The following DAG1 variants were observed in gnomAD, a reference collection of about 807,000 sequenced individuals.
The protein encoded by DAG1 is dystroglycan 1.
Under a neutral mutation model 46.1 loss-of-function variants are expected in DAG1, and 8 were observed. The observed-to-expected ratio is 0.17, with a 90% confidence interval of 0.10 to 0.31. The LOEUF (loss-of-function observed/expected upper bound fraction) is 0.31, where lower values mean the gene tolerates loss of function less well. Ranked by LOEUF, DAG1 falls within the 10% of genes least tolerant of loss-of-function variation. The pLI is 1.00. For synonymous variants in DAG1, 495 were observed against 481.8 expected, an observed-to-expected ratio of 1.03 and a Z score of -0.36; for missense variants, 1,003 against 1,189.9, an observed-to-expected ratio of 0.84 and a Z score of 2.31.
At chr3:49,507,916 G>C (rs1375977665) in intron 1 of DAG1, among the ~76,000 whole-genome samples, 1 of 151,876 alleles carries the variant, frequency 6.6e-6, no homozygotes, top group Non-Finnish European at 1.5e-5. Context: ...AGAGGAATCT[G>C]TTCGTTTAGT....
At chr3:49,527,157 C>T (rs2051194717) in intron 2 of DAG1, among the ~76,000 whole-genome samples, 1 of 150,602 alleles carries the variant, frequency 6.6e-6, no homozygotes, top group South Asian at 2.1e-4. Flanking sequence ...TTTGGGAGGC[C>T]GAGGTGGGCA....
chr3:49,501,126 C>T (rs1039536783), intron 1 of DAG1, among the ~76,000 whole-genome samples: 1 of 152,198 alleles, frequency 6.6e-6, no homozygotes, highest in Non-Finnish European at 1.5e-5. Flanking sequence ...CATCGCCTGC[C>T]TGCTAAATGC....
chr3:49,499,303 G>A (rs1023448188), intron 1 of DAG1, among the ~76,000 whole-genome samples: 4 of 152,176 alleles, frequency 2.6e-5, no homozygotes, highest in Non-Finnish European at 4.4e-5. Flanking sequence ...GGGAGGCCGA[G>A]GCAGGAGGAT....
chr3:49,531,735 T>C lies in DAG1; in HGVS notation c.1224T>C (p.Pro408=), dbSNP rs1471279506. The C allele has an allele frequency of 1.2e-6, 2 of 1,613,998 alleles. No homozygotes were observed. The highest frequency in any genetic ancestry group is 8.5e-7 in the Non-Finnish European group (1 of 1,179,990). The change falls in exon 3 of 3, where the codon CCT becomes CCC. Residue 408 remains proline, a synonymous_variant. Coordinates refer to ENST00000308775, the MANE Select transcript of DAG1 (RefSeq NM_004393.6). This position sits in a 1 kb window ranked among gnomAD's most constrained non-coding sequence, Gnocchi z 7.0. Reference sequence around the variant, plus strand: ...AGATTCGCCCAACGATGACCATTCCTGGCTATGTGGAGCCTACTGCAGTTG... The same window carrying C: ...AGATTCGCCCAACGATGACCATTCCCGGCTATGTGGAGCCTACTGCAGTTG... ...PGQIRPTMTI[P]GYVEPTAVAT...
intron 2 of DAG1, among the ~76,000 whole-genome samples, chr3:49,522,548 T>G (rs2051061444): frequency 7.0e-6 from 1 of 142,950 alleles, no homozygotes; most frequent in South Asian, 2.3e-4. Flanking sequence ...CAAGTGATCC[T>G]CCCGCCTCAG....
chr3:49,505,585 T>A (rs1390356570), intron 1 of DAG1, among the ~76,000 whole-genome samples: 1 of 152,208 alleles, frequency 6.6e-6, no homozygotes, highest in South Asian at 2.1e-4. Context: ...TAAGGAGTTT[T>A]CTTATGGATT....
At chr3:49,471,559 GGAA>G (rs1463361063) in intron 1 of DAG1, among the ~76,000 whole-genome samples, 4 of 152,154 alleles carry the variant, frequency 2.6e-5, no homozygotes, top group Admixed American at 6.6e-5. Flanking sequence ...TGTGAACTAA[GGAA>G]GAAGAGCTCA....
chr3:49,508,680 G>A (rs368064968), intron 1 of DAG1, among the ~76,000 whole-genome samples: 3 of 151,854 alleles, frequency 2.0e-5, no homozygotes, highest in South Asian at 2.1e-4. Flanking sequence ...GGTTACAGGC[G>A]TGAGCCACCA....
intron 1 of DAG1, among the ~76,000 whole-genome samples, chr3:49,481,612 C>T (rs1009840505): frequency 6.6e-6 from 1 of 152,044 alleles, no homozygotes; most frequent in African/African-American, 2.4e-5. Flanking sequence ...TGAGGAGCCA[C>T]AGATTCATTC....
rs565342779 is a variant in DAG1 at position 49,509,002 on chromosome 3, TC to T, written c.-116-1414del. Among the ~76,000 whole-genome samples the T allele has an allele frequency of 5.7e-4, 87 of 152,278 alleles. 1 individual carries two copies. Among genetic ancestry groups the T allele is most frequent in the African/African-American group, 2.0e-3 (82 of 41,562 alleles). On this transcript the variant is annotated intron_variant, in intron 1 of 2. Transcript: ENST00000308775. Reference sequence around the variant, plus strand: ...TACAATTCATAAGATTGAGGATGATTCCCTATAGAGTCTTACTACCATCATA... The same window carrying T: ...TACAATTCATAAGATTGAGGATGATTCCTATAGAGTCTTACTACCATCATA...
chr3:49,503,393 T>C (rs1237184532), intron 1 of DAG1, among the ~76,000 whole-genome samples: 1 of 152,238 alleles, frequency 6.6e-6, no homozygotes, highest in Non-Finnish European at 1.5e-5. Context: ...GTTGGTTCGT[T>C]CTTCCTATCT....
intron 1 of DAG1, among the ~76,000 whole-genome samples, chr3:49,495,199 G>A (rs1030191482): frequency 8.5e-5 from 13 of 152,184 alleles, no homozygotes; most frequent in African/African-American, 2.7e-4. Flanking sequence ...GAGGGGATGG[G>A]ATAGCCAGGG....
At chr3:49,529,338 C>T (rs1282593233) in intron 2 of DAG1, among the ~76,000 whole-genome samples, 2 of 152,170 alleles carry the variant, frequency 1.3e-5, no homozygotes, top group Non-Finnish European at 2.9e-5. Flanking sequence ...GCCCAGCTTT[C>T]TCATACATTT....
In DAG1 at chr3:49,486,190, A is replaced by C. The variant is rs1057432877; in HGVS notation, c.-117+15757A>C. 9.3e-5 allele frequency among the ~76,000 whole-genome samples: 7 copies of C among 74,930 alleles called. No homozygotes were observed. In the East Asian group the frequency reaches 1.5e-3, roughly 16 times the overall value. 49.2% of individuals were successfully genotyped at this position (74,930 alleles called of 152,430 possible). On this transcript the variant is annotated intron_variant, in intron 1 of 2. Transcript: ENST00000308775. Reference sequence around the variant, plus strand: ...TATACCACTATTTTCTTTTTCTTTTATTTATTTATTTATTTATTTATTTAT... The same window carrying C: ...TATACCACTATTTTCTTTTTCTTTTCTTTATTTATTTATTTATTTATTTAT...
chr3:49,527,721 G>T (rs1201518871), intron 2 of DAG1, among the ~76,000 whole-genome samples: 1 of 151,966 alleles, frequency 6.6e-6, no homozygotes, highest in African/African-American at 2.4e-5. Context: ...AAGTGCCCTT[G>T]TATAGTTGAA....
chr3:49,520,295 C>A (rs1233881078), intron 2 of DAG1, among the ~76,000 whole-genome samples: 1 of 152,188 alleles, frequency 6.6e-6, no homozygotes, highest in Admixed American at 6.5e-5. Context: ...ACAGGATAAC[C>A]CTGAGTGTGA....
chr3:49,490,493 C>T lies in DAG1; in HGVS notation c.-116-19926C>T, dbSNP rs375933511. 5.3e-4 allele frequency among the ~76,000 whole-genome samples: 81 copies of T among 151,596 alleles called. No individual in the cohort carries two copies. The East Asian group carries it at 0.014, about 26-fold the overall frequency. Reference sequence around the variant, plus strand: ...TGTGTTTGCTCTGTCATTCTCTTTTCTATCTATACCTTTTTTTCTGAACCA... The same window carrying T: ...TGTGTTTGCTCTGTCATTCTCTTTTTTATCTATACCTTTTTTTCTGAACCA... On this transcript the variant is annotated intron_variant, in intron 1 of 2. Coordinates refer to ENST00000308775, the MANE Select transcript of DAG1 (RefSeq NM_004393.6).
chr3:49,507,772 CCTT>C (rs1225939744), intron 1 of DAG1, among the ~76,000 whole-genome samples: 13 of 151,726 alleles, frequency 8.6e-5, no homozygotes, highest in African/African-American at 3.1e-4. Context: ...CTCAAGCCAA[CCTT>C]CTTCCTTAGC....
At chr3:49,523,817 G>T (rs1470783836) in intron 2 of DAG1, among the ~76,000 whole-genome samples, 1 of 152,212 alleles carries the variant, frequency 6.6e-6, no homozygotes, top group African/African-American at 2.4e-5. Context: ...ATCATATGAG[G>T]TTGGGATTGT....
Sources: allele counts gnomAD v4.1 joint callset (sites outside exome capture counted in the v4.1 genomes callset), GRCh38; gene constraint gnomAD v4.1.1; non-coding constraint Gnocchi (gnomAD v3.1); transcripts MANE v1.5; gene names NCBI Gene and HGNC (gene_info 2026-07-23, HGNC 2026-07-21).